ESRRG: variants seen among roughly 807,000 people sequenced by gnomAD.
ESRRG encodes the protein estrogen related receptor gamma.
Under a neutral mutation model 44.0 loss-of-function variants are expected in ESRRG, and 13 were observed. That is an observed-to-expected ratio of 0.30 (90% CI 0.19 to 0.47). ESRRG has a LOEUF of 0.47. Ranked by LOEUF, ESRRG falls within the 20% of genes least tolerant of loss-of-function variation. ESRRG has a pLI of 1.00. For missense variants in ESRRG, 395 were observed against 580.6 expected (o/e 0.68, Z 3.29); for synonymous variants, 215 against 214.6 (o/e 1.00, Z -0.02).
intron 2 of ESRRG, among the ~76,000 whole-genome samples, chr1:216,892,266 A>G (rs2057900393): frequency 6.6e-6 from 1 of 152,202 alleles, no homozygotes; most frequent in Non-Finnish European, 1.5e-5. Flanking sequence ...AGAATATGAT[A>G]CTTTAGGGGC....
At chr1:216,914,857 C>A (rs574775104) in intron 2 of ESRRG, among the ~76,000 whole-genome samples, 1 of 152,334 alleles carries the variant, frequency 6.6e-6, no homozygotes, top group East Asian at 1.9e-4. Flanking sequence ...AGACAGGCAA[C>A]AGGAAACATA....
At chr1:216,866,324 T>C (rs1011568805) in intron 2 of ESRRG, among the ~76,000 whole-genome samples, 2 of 152,178 alleles carry the variant, frequency 1.3e-5, no homozygotes, top group African/African-American at 4.8e-5. Context: ...CCCCTTTATA[T>C]GGTGCAACTA....
intron 2 of ESRRG, among the ~76,000 whole-genome samples, chr1:216,652,896 T>A (rs957427307): frequency 3.3e-5 from 5 of 152,028 alleles, no homozygotes; most frequent in Admixed American, 1.3e-4. Context: ...CGGCTCCCCC[T>A]ATACTTACTT....
intron 1 of ESRRG, among the ~76,000 whole-genome samples, chr1:217,017,906 A>C (rs1443884037): frequency 3.3e-5 from 5 of 152,194 alleles, no homozygotes; most frequent in Non-Finnish European, 7.3e-5. Context: ...CCTGCAGCAA[A>C]AGATATGAAT....
chr1:216,875,279 G>A (rs2096332298), intron 2 of ESRRG, among the ~76,000 whole-genome samples: 2 of 152,184 alleles, frequency 1.3e-5, no homozygotes, highest in Admixed American at 6.5e-5. Context: ...CTTGCTTTTA[G>A]AAGTTGAATA....
At chr1:216,713,522 G>T (rs936460441) in intron 1 of ESRRG, among the ~76,000 whole-genome samples, 2 of 152,110 alleles carry the variant, frequency 1.3e-5, no homozygotes, top group African/African-American at 4.8e-5. Flanking sequence ...GAGGGAGACT[G>T]GATTGACATA....
At chr1:216,749,928 C>CT (rs201658701) in intron 2 of ESRRG, among the ~76,000 whole-genome samples, 1,706 of 152,174 alleles carry the variant, frequency 0.011, 17 homozygotes, top group Middle Eastern at 0.027. Flanking sequence ...TAAATTGCAC[C>CT]TTTTTTCTGA....
intron 2 of ESRRG, among the ~76,000 whole-genome samples, chr1:216,847,977 G>C (rs879008594): frequency 1.3e-5 from 2 of 152,118 alleles, no homozygotes; most frequent in African/African-American, 4.8e-5. Flanking sequence ...AGCGTTTCTC[G>C]ACCTCAGGAT....
intron 2 of ESRRG, among the ~76,000 whole-genome samples, chr1:216,873,263 A>G (rs2096285479): frequency 7.4e-6 from 1 of 134,512 alleles, no homozygotes; most frequent in African/African-American, 2.9e-5. Context: ...TCAGGCTGAA[A>G]TGCAATGGCA....
At position 216,907,731 on chromosome 1, in the gene ESRRG, A is replaced by G. The variant is rs142551656; in HGVS notation, c.-14+31851T>C. On this transcript the variant is annotated intron_variant, in intron 2 of 7. Coordinates refer to the ESRRG transcript ENST00000359162. ...ATCTTTTTAAAGAGTGCATAATCTA[A>G]GACACCTCCCCCATCAAATCAAAAG... 1.1e-3 allele frequency among the ~76,000 whole-genome samples: 163 copies of G among 152,312 alleles called. 3 individuals are homozygous for G. Among genetic ancestry groups the G allele is most frequent in the African/African-American group, 3.7e-3 (155 of 41,590 alleles).
chr1:217,015,822 C>G lies in ESRRG; in HGVS notation c.-106+73685G>C, dbSNP rs184364887. On this transcript the variant is annotated intron_variant, in intron 1 of 7. Transcript: ENST00000359162. The stretch of plus-strand genomic sequence containing the variant: ...TTGGCTCACTGCAACCTCCACCTCC[C>G]AGGTTCAAATGATTCTCCTGTCTCA... Among the ~76,000 whole-genome samples the G allele has an allele frequency of 2.6e-4, 40 of 151,692 alleles. No individual in the cohort carries two copies. In the East Asian group the frequency reaches 7.8e-3, roughly 30 times the overall value.
chr1:216,845,667 T>A (rs2095733844), intron 2 of ESRRG, among the ~76,000 whole-genome samples: 1 of 152,118 alleles, frequency 6.6e-6, no homozygotes, highest in Admixed American at 6.6e-5. Flanking sequence ...CCTGACTCAG[T>A]TTTCCCCTCC....
intron 1 of ESRRG, among the ~76,000 whole-genome samples, chr1:217,031,050 T>C (rs532087911): frequency 6.6e-6 from 1 of 152,320 alleles, no homozygotes; most frequent in South Asian, 2.1e-4. Flanking sequence ...AAAGGAGAGT[T>C]TGGCAAACTA....
chr1:217,007,790 T>C (rs1224060299), intron 1 of ESRRG, among the ~76,000 whole-genome samples: 1 of 152,126 alleles, frequency 6.6e-6, no homozygotes, highest in Non-Finnish European at 1.5e-5. Context: ...GACTAAGCAT[T>C]TACTATATGC....
chr1:216,821,172 G>C (rs7554036), intron 2 of ESRRG, among the ~76,000 whole-genome samples: 114,782 of 152,026 alleles, frequency 0.76, 43,591 homozygotes, highest in African/African-American at 0.83. Context: ...GGTTGTCACC[G>C]CTCTTACCTT....
At chr1:217,133,314 A>G (rs1243902960) in intron 1 of ESRRG, among the ~76,000 whole-genome samples, 2 of 152,228 alleles carry the variant, frequency 1.3e-5, no homozygotes, top group African/African-American at 4.8e-5. Flanking sequence ...GATTTAGACT[A>G]CAAACACTAT....
At chr1:216,947,802 A>G (rs963045733) in intron 1 of ESRRG, among the ~76,000 whole-genome samples, 8 of 152,180 alleles carry the variant, frequency 5.3e-5, no homozygotes, top group African/African-American at 1.9e-4. Context: ...CTTGACACAC[A>G]GCTAACCATA....
intron 2 of ESRRG, among the ~76,000 whole-genome samples, chr1:216,815,889 G>A (rs1341914109): frequency 1.3e-5 from 2 of 152,202 alleles, no homozygotes; most frequent in Non-Finnish European, 2.9e-5. Flanking sequence ...TTGGCCATAT[G>A]TTATTTGGTG....
intron 1 of ESRRG, among the ~76,000 whole-genome samples, chr1:217,095,627 T>C (rs542545654): frequency 3.3e-5 from 5 of 152,324 alleles, no homozygotes; most frequent in Admixed American, 3.3e-4. Flanking sequence ...TGGTAGGATA[T>C]TAAACAGGTA....
Sources: allele counts gnomAD v4.1 joint callset (sites outside exome capture counted in the v4.1 genomes callset), GRCh38; gene constraint gnomAD v4.1.1; transcripts MANE v1.5; gene names NCBI Gene and HGNC (gene_info 2026-07-23, HGNC 2026-07-21).